NXPH1: variants seen among roughly 807,000 people sequenced by gnomAD.
NXPH1 encodes neurexophilin-1.
In NXPH1, 5 loss-of-function variants were observed where a neutral mutation model predicts 23.7. The ratio of observed to expected loss-of-function variants is 0.21; its 90% CI spans 0.11 to 0.44. NXPH1 has a LOEUF of 0.44. Among genes scored for constraint, NXPH1 ranks in the 20% least tolerant of loss-of-function variants. The probability of loss-of-function intolerance (pLI) is 0.99; values close to 1 mark genes in which losing one functional copy is unlikely to be tolerated. For synonymous variants in NXPH1, 144 were observed against 122.2 expected (o/e 1.18, Z -1.18); for missense variants, 324 against 321.6 (o/e 1.01, Z -0.06).
At chr7:8,747,601 C>A (rs537217956) in intron 2 of NXPH1, among the ~76,000 whole-genome samples, 6 of 152,264 alleles carry the variant, frequency 3.9e-5, no homozygotes, top group African/African-American at 1.4e-4. Context: ...TTTTGCCACA[C>A]AAACAATGGG....
chr7:8,729,016 A>C lies in NXPH1; in HGVS notation c.55-21992A>C, dbSNP rs371109956. Among the ~76,000 whole-genome samples, 473 of 151,452 alleles carry C rather than the reference A, an allele frequency of 3.1e-3. 9 individuals carry two copies. Among genetic ancestry groups the C allele is most frequent in the Admixed American group, 0.028 (423 of 15,218 alleles). ...CTATTGATTATTGCCACAATTTCAG[A>C]TCCTGTTATTGGTCTATTCAGAGAT... On this transcript the variant is annotated intron_variant, in intron 2 of 2. Coordinates refer to ENST00000405863, the MANE Select transcript of NXPH1 (RefSeq NM_152745.3).
chr7:8,683,942 A>C (rs190994686), intron 2 of NXPH1, among the ~76,000 whole-genome samples: 1 of 152,294 alleles, frequency 6.6e-6, no homozygotes, highest in East Asian at 1.9e-4. Flanking sequence ...TATTTCTACT[A>C]TGAGTCTGCT....
intron 2 of NXPH1, among the ~76,000 whole-genome samples, chr7:8,547,533 T>G (rs1482864999): frequency 2.0e-5 from 3 of 151,414 alleles, no homozygotes; most frequent in Non-Finnish European, 3.0e-5. Context: ...AGGTACAGGT[T>G]TGTTTCATGG....
intron 2 of NXPH1, among the ~76,000 whole-genome samples, chr7:8,534,475 G>A (rs572565473): frequency 6.6e-6 from 1 of 152,216 alleles, no homozygotes; most frequent in African/African-American, 2.4e-5. Context: ...GATGCATTAA[G>A]CTACTTTATA....
At position 8,590,229 on chromosome 7, in the gene NXPH1, T is replaced by C. The variant is rs971522957; in HGVS notation, c.54+154462T>C. 2.0e-5 allele frequency among the ~76,000 whole-genome samples: 3 copies of C among 152,128 alleles called. 1 individual carries two copies. Among genetic ancestry groups the C allele is most frequent in the African/African-American group, 7.2e-5 (3 of 41,440 alleles). The stretch of plus-strand genomic sequence containing the variant: ...ACAGATACTGGAGGGTGGGTTTAGA[T>C]ACGAAACTCTGCATCCAGAGTTCTC... On this transcript the variant is annotated intron_variant, in intron 2 of 2. Transcript: ENST00000405863.
rs147250998 is a variant in NXPH1 at position 8,520,659 on chromosome 7, G to C, written c.54+84892G>C. Among the ~76,000 whole-genome samples, 63 of 147,318 alleles carry C rather than the reference G, an allele frequency of 4.3e-4. No homozygotes were observed. In the East Asian group the frequency reaches 0.011, roughly 27 times the overall value. ...CCTGGTTTTTCTTGTGTGACTGTTT[G>C]ACCATGCCCAAGAAACTTAACCTTT... On this transcript the variant is annotated intron_variant, in intron 2 of 2. Transcript: ENST00000405863.
In NXPH1 at chr7:8,578,921, C is replaced by T. The variant is rs111708112; in HGVS notation, c.54+143154C>T. On this transcript the variant is annotated intron_variant, in intron 2 of 2. Transcript: ENST00000405863. Reference sequence around the variant, plus strand: ...GCAGAATATTCTAGGCATATTAAAGCCTGAGTCAGGATACAACATGTGTTG... The same window carrying T: ...GCAGAATATTCTAGGCATATTAAAGTCTGAGTCAGGATACAACATGTGTTG... Among the ~76,000 whole-genome samples the T allele has an allele frequency of 7.9e-3, 1,206 of 152,260 alleles. 14 individuals carry two copies. The highest frequency in any genetic ancestry group is 0.026 in the African/African-American group (1,079 of 41,546).
At chr7:8,555,933 C>A (rs1468530046) in intron 2 of NXPH1, among the ~76,000 whole-genome samples, 2 of 151,798 alleles carry the variant, frequency 1.3e-5, no homozygotes, top group South Asian at 2.1e-4. Context: ...GTACTTGGAA[C>A]AAATGGATCT....
chr7:8,632,483 G>C (rs899990430), intron 2 of NXPH1, among the ~76,000 whole-genome samples: 3 of 152,172 alleles, frequency 2.0e-5, no homozygotes, highest in Non-Finnish European at 4.4e-5. Context: ...GCAGTGGTGA[G>C]TGGGAAATCA....
intron 2 of NXPH1, among the ~76,000 whole-genome samples, chr7:8,603,279 A>G (rs928428331): frequency 1.3e-5 from 2 of 152,214 alleles, no homozygotes; most frequent in Non-Finnish European, 2.9e-5. Context: ...TCTGAAACCT[A>G]TTCAGTAGTA....
chr7:8,712,488 C>T (rs1194292970), intron 2 of NXPH1, among the ~76,000 whole-genome samples: 3 of 152,200 alleles, frequency 2.0e-5, no homozygotes, highest in Non-Finnish European at 4.4e-5. Context: ...AAATTCTTCC[C>T]TCTGTGTCTT....
chr7:8,469,657 G>A (rs561928099), intron 2 of NXPH1, among the ~76,000 whole-genome samples: 4 of 151,928 alleles, frequency 2.6e-5, no homozygotes, highest in East Asian at 3.9e-4. Context: ...AGGTTACCAG[G>A]GATCTTTACA....
chr7:8,439,875 A>T lies in NXPH1; in HGVS notation c.54+4108A>T, dbSNP rs994713488. ...GAGACCAGCAATGTCTTTTCTTTGG[A>T]CTAGGTATGTGTGCTTCTCATTCTT... On this transcript the variant is annotated intron_variant, in intron 2 of 2. Transcript: ENST00000405863. Among the ~76,000 whole-genome samples the T allele has an allele frequency of 5.3e-5, 8 of 152,184 alleles. No homozygotes were observed. The South Asian group carries it at 8.3e-4, about 16-fold the overall frequency.
At chr7:8,718,310 C>A (rs578086219) in intron 2 of NXPH1, among the ~76,000 whole-genome samples, 4 of 152,130 alleles carry the variant, frequency 2.6e-5, no homozygotes, top group Non-Finnish European at 4.4e-5. Flanking sequence ...AGACCGCAAA[C>A]CAATATTAAT....
At chr7:8,582,735 C>G (rs1208106938) in intron 2 of NXPH1, among the ~76,000 whole-genome samples, 2 of 152,162 alleles carry the variant, frequency 1.3e-5, no homozygotes, top group African/African-American at 4.8e-5. Flanking sequence ...AGAAAAAGCA[C>G]TATGAGTAAA....
chr7:8,517,139 C>T (rs1366249161), intron 2 of NXPH1, among the ~76,000 whole-genome samples: 1 of 152,074 alleles, frequency 6.6e-6, no homozygotes, highest in African/African-American at 2.4e-5. Flanking sequence ...TTTGCCTTTG[C>T]TGAGCTAGCA....
chr7:8,709,477 C>A (rs1319077825), intron 2 of NXPH1, among the ~76,000 whole-genome samples: 4 of 152,102 alleles, frequency 2.6e-5, no homozygotes, highest in African/African-American at 7.2e-5. Flanking sequence ...TGCCACCTAC[C>A]TCTCTGTAAC....
chr7:8,601,443 C>G (rs1819356925), intron 2 of NXPH1, among the ~76,000 whole-genome samples: 1 of 152,156 alleles, frequency 6.6e-6, no homozygotes, highest in Non-Finnish European at 1.5e-5. Context: ...TCCAGTGACT[C>G]TGAGGTTACC....
At chr7:8,735,911 G>C (rs985543584) in intron 2 of NXPH1, among the ~76,000 whole-genome samples, 12 of 152,280 alleles carry the variant, frequency 7.9e-5, no homozygotes, top group Middle Eastern at 6.8e-3. Context: ...AGATCTTCTA[G>C]TTTATTTGCA....
Sources: allele counts gnomAD v4.1 joint callset (sites outside exome capture counted in the v4.1 genomes callset), GRCh38; gene constraint gnomAD v4.1.1; transcripts MANE v1.5; gene names NCBI Gene and HGNC (gene_info 2026-07-23, HGNC 2026-07-21).